Variants in RHOA observed in about 807,000 individuals in gnomAD.
The protein encoded by RHOA is transforming protein RhoA.
A neutral mutation model predicts 17.5 loss-of-function variants in RHOA; 3 were observed. The ratio of observed to expected loss-of-function variants is 0.17; its 90% CI spans 0.08 to 0.44. The LOEUF is 0.44. Ranked by LOEUF, RHOA falls within the 20% of genes least tolerant of loss-of-function variation. RHOA has a pLI of 0.99. For synonymous variants in RHOA, 98 were observed against 88.4 expected (o/e 1.11, Z -0.61); for missense variants, 56 against 242.3 (o/e 0.23, Z 5.10).
intron 1 of RHOA, among the ~76,000 whole-genome samples, chr3:49,402,730 C>CA (rs949454840): frequency 1.3e-5 from 2 of 151,730 alleles, no homozygotes; most frequent in Non-Finnish European, 2.9e-5. Flanking sequence ...AACGAATGAA[C>CA]AAAAAAACTA....
In RHOA at chr3:49,404,458, A is replaced by ACACACACACACACACAC. The variant is rs10527314; in HGVS notation, c.-3+7361_-3+7362insGTGTGTGTGTGTGTGTG. Among the ~76,000 whole-genome samples, 39 of 146,774 alleles carry ACACACACACACACACAC rather than the reference A, an allele frequency of 2.7e-4. 1 individual carries two copies. The highest frequency in any genetic ancestry group is 4.1e-4 in the East Asian group (2 of 4,826). On this transcript the variant is annotated intron_variant, in intron 1 of 4. Transcript: ENST00000418115. Reference sequence around the variant, plus strand: ...AACACACACACACACACACACACACAAAATTAGCCGGGCATGGTGGCACGC... The same window carrying ACACACACACACACACAC: ...AACACACACACACACACACACACACACACACACACACACACACAAATTAGCCGGGCATGGTGGCACGC...
intron 4 of RHOA, among the ~76,000 whole-genome samples, chr3:49,361,978 A>C (rs2047979622): frequency 6.6e-6 from 1 of 152,048 alleles, no homozygotes. Flanking sequence ...ACTTGAGGTA[A>C]GGAGTTCAAG....
chr3:49,363,691 A>C (rs941971226), intron 3 of RHOA, among the ~76,000 whole-genome samples: 1 of 151,620 alleles, frequency 6.6e-6, no homozygotes, highest in African/African-American at 2.4e-5. Flanking sequence ...ATCTCTACTA[A>C]AATTACTAAA....
At chr3:49,380,931 C>CAT (rs1195970039) in intron 1 of RHOA, among the ~76,000 whole-genome samples, 2 of 68,288 alleles carry the variant, frequency 2.9e-5, no homozygotes, top group Admixed American at 1.9e-4. Flanking sequence ...GCAGTGAATA[C>CAT]GTGTGTGTGT....
At chr3:49,397,698 GCA>G (rs1031800000) in intron 1 of RHOA, among the ~76,000 whole-genome samples, 1 of 152,066 alleles carries the variant, frequency 6.6e-6, no homozygotes, top group Non-Finnish European at 1.5e-5. Flanking sequence ...ATGCAGGAGA[GCA>G]GAGAACTGCT....
At chr3:49,388,481 T>C (rs2048437679) in intron 1 of RHOA, among the ~76,000 whole-genome samples, 1 of 152,208 alleles carries the variant, frequency 6.6e-6, no homozygotes, top group Admixed American at 6.6e-5. Flanking sequence ...GCCTTGCTTA[T>C]CTGGGTGCTG....
intron 3 of RHOA, among the ~76,000 whole-genome samples, chr3:49,363,059 A>G (rs1027413056): frequency 6.6e-5 from 10 of 152,168 alleles, no homozygotes; most frequent in Admixed American, 5.9e-4. Flanking sequence ...TTCTTTTTCT[A>G]ACTTGTTCAT....
chr3:49,389,060 T>A (rs2048450560), intron 1 of RHOA, among the ~76,000 whole-genome samples: 2 of 152,074 alleles, frequency 1.3e-5, no homozygotes, highest in African/African-American at 4.8e-5. Context: ...AGAAAGCAGC[T>A]GCTGGGCGTG....
At chr3:49,388,238 C>T (rs569226135) in intron 1 of RHOA, among the ~76,000 whole-genome samples, 123 of 151,934 alleles carry the variant, frequency 8.1e-4, no homozygotes, top group African/African-American at 2.8e-3. Flanking sequence ...CCAGGCTGGT[C>T]TCAAACTCCT....
chr3:49,392,713 A>G (rs914417575), intron 1 of RHOA, among the ~76,000 whole-genome samples: 1 of 152,172 alleles, frequency 6.6e-6, no homozygotes, highest in Non-Finnish European at 1.5e-5. Context: ...CAATAGCCAC[A>G]TGTGGCTGGG....
intron 2 of RHOA, among the ~76,000 whole-genome samples, chr3:49,374,061 A>C (rs944197046): frequency 2.0e-5 from 3 of 152,036 alleles, no homozygotes; most frequent in Admixed American, 2.0e-4. Flanking sequence ...AGTAAAAAAA[A>C]ATCTTTTGGC....
chr3:49,387,607 T>A (rs944788045), intron 1 of RHOA, among the ~76,000 whole-genome samples: 1 of 151,818 alleles, frequency 6.6e-6, no homozygotes, highest in Non-Finnish European at 1.5e-5. Context: ...TAGCCAGGCG[T>A]GGTGGCGGGC....
Position 49,399,449 on chromosome 3 carries a change from T to C in RHOA, c.-3+12371A>G, listed in dbSNP as rs2048682998. ...AAAAAGTGATGTGCCAAATATGTCA[T>C]ATGCTATCATACCATAGTGTAATGG... On this transcript the variant is annotated intron_variant, in intron 1 of 4. Coordinates refer to ENST00000418115, the MANE Select transcript of RHOA (RefSeq NM_001664.4). Among the ~76,000 whole-genome samples, 3 of 152,192 alleles carry C rather than the reference T, an allele frequency of 2.0e-5. No individual in the cohort carries two copies. In the South Asian group the frequency reaches 6.2e-4, roughly 32 times the overall value.
rs2048095179 is a variant in RHOA, at chr3:49,368,519, C to T, written c.186G>A (p.Gly62=). 1 of 1,613,922 alleles carries T rather than the reference C, an allele frequency of 6.2e-7. No homozygotes were observed. The highest frequency in any genetic ancestry group is 1.3e-5 in the African/African-American group (1 of 74,986). ...QVELALWDTA[G]QEDYDRLRPL... ...GCCTCAGGCGATCATAATCTTCCTG[C>T]CCAGCTGTGTCCCACAAAGCCAACT... Residue 62 remains glycine, a synonymous_variant, in exon 3 of 5, where the codon GGG becomes GGA. Coordinates refer to ENST00000418115, the MANE Select transcript of RHOA (RefSeq NM_001664.4).
At chr3:49,367,548 T>C (rs2048079350) in intron 3 of RHOA, among the ~76,000 whole-genome samples, 1 of 151,438 alleles carries the variant, frequency 6.6e-6, no homozygotes, top group Admixed American at 6.6e-5. Context: ...TTGCTCATCT[T>C]TTTTTTTGGG....
chr3:49,395,229 C>T (rs974187880), intron 1 of RHOA, among the ~76,000 whole-genome samples: 2 of 148,004 alleles, frequency 1.4e-5, no homozygotes, highest in South Asian at 2.1e-4. Flanking sequence ...CCAGCCTGGA[C>T]GACAGTGCAA....
intron 1 of RHOA, among the ~76,000 whole-genome samples, chr3:49,403,768 T>C (rs140115818): frequency 5.5e-4 from 83 of 152,166 alleles, no homozygotes; most frequent in African/African-American, 1.8e-3. Flanking sequence ...TCATTTAAAG[T>C]ATGTGCATTT....
At chr3:49,408,845 C>T (rs1179383707) in intron 1 of RHOA, among the ~76,000 whole-genome samples, 2 of 150,670 alleles carry the variant, frequency 1.3e-5, no homozygotes, top group Non-Finnish European at 2.9e-5. Context: ...CTGGCTGGAG[C>T]ACAGTGGCGC....
At chr3:49,410,761 A>G (rs879610718) in intron 1 of RHOA, among the ~76,000 whole-genome samples, 2 of 152,160 alleles carry the variant, frequency 1.3e-5, no homozygotes, top group Non-Finnish European at 2.9e-5. Flanking sequence ...TTGGTTTTTC[A>G]ATTTTTCTCC....
Sources: gnomAD v4.1 joint callset for allele counts (sites outside exome capture counted in the v4.1 genomes callset) on GRCh38, gnomAD v4.1.1 for gene constraint, MANE v1.5 for transcripts, NCBI Gene and HGNC (gene_info 2026-07-23, HGNC 2026-07-21) for gene names.